ERC2: variants seen among roughly 807,000 people sequenced by gnomAD.
ERC2 encodes the protein ELKS/RAB6-interacting/CAST family member 2.
Under a neutral mutation model 114.8 loss-of-function variants are expected in ERC2, and 42 were observed. The ratio of observed to expected loss-of-function variants is 0.37; its 90% CI spans 0.29 to 0.47. The LOEUF (loss-of-function observed/expected upper bound fraction) is 0.47. ERC2 is among the 20% of genes least tolerant of loss of function. The probability of loss-of-function intolerance (pLI) is 0.99; values close to 1 mark genes in which losing one functional copy is unlikely to be tolerated. For synonymous variants in ERC2, 454 were observed against 425.5 expected, an observed-to-expected ratio of 1.07 and a Z score of -0.82; for missense variants, 939 against 1,150.7, an observed-to-expected ratio of 0.82 and a Z score of 2.66.
intron 17 of ERC2, among the ~76,000 whole-genome samples, chr3:55,549,419 C>T (rs907879777): frequency 3.3e-5 from 5 of 151,718 alleles, no homozygotes; most frequent in African/African-American, 7.3e-5. Context: ...GGCAGCTCTC[C>T]GAACACAAAA....
At chr3:56,089,453 G>A (rs1390430110) in intron 6 of ERC2, among the ~76,000 whole-genome samples, 3 of 151,790 alleles carry the variant, frequency 2.0e-5, no homozygotes, top group African/African-American at 7.3e-5. Context: ...CATTTAAAAA[G>A]TAAAAAGAAA....
intron 7 of ERC2, among the ~76,000 whole-genome samples, chr3:56,030,555 T>A (rs185093970): frequency 1.3e-5 from 2 of 152,336 alleles, no homozygotes; most frequent in South Asian, 2.1e-4. Context: ...TGTTTTATTA[T>A]GATATAATGT....
rs2063958459 is a variant in ERC2 at position 55,898,636 on chromosome 3, C to T, written c.2404-10087G>A. Among the ~76,000 whole-genome samples, 3 of 152,166 alleles carry T rather than the reference C, an allele frequency of 2.0e-5. No homozygotes were observed. The South Asian group carries it at 6.2e-4, about 32-fold the overall frequency. ...GCATGCAACCACCCGAGATTGTCAT[C>T]AACAGTGGTATTAGCTTAAACACTA... On this transcript the variant is annotated intron_variant, in intron 13 of 17. Transcript: ENST00000288221.
chr3:55,556,068 C>G (rs1400119254), intron 17 of ERC2, among the ~76,000 whole-genome samples: 2 of 152,138 alleles, frequency 1.3e-5, no homozygotes, highest in Non-Finnish European at 2.9e-5. Flanking sequence ...CCTCCTTAAT[C>G]AGAGGATGGA....
At chr3:55,940,391 G>A (rs149857774) in intron 13 of ERC2, among the ~76,000 whole-genome samples, 2 of 151,992 alleles carry the variant, frequency 1.3e-5, no homozygotes, top group Admixed American at 6.6e-5. Context: ...CCACTCAGAA[G>A]CTCAGGGCCC....
intron 16 of ERC2, among the ~76,000 whole-genome samples, chr3:55,685,604 G>C (rs1279318086): frequency 6.6e-6 from 1 of 152,000 alleles, no homozygotes; most frequent in African/African-American, 2.4e-5. Context: ...GGGTTTCAAG[G>C]GGCCTAGCAA....
chr3:55,752,953 C>G (rs1457483525), intron 14 of ERC2, among the ~76,000 whole-genome samples: 1 of 152,182 alleles, frequency 6.6e-6, no homozygotes, highest in East Asian at 1.9e-4. Context: ...GACCGCAGCT[C>G]TACAACTGGT....
At chr3:55,671,716 G>A (rs1477450330) in intron 17 of ERC2, among the ~76,000 whole-genome samples, 1 of 152,168 alleles carries the variant, frequency 6.6e-6, no homozygotes. Flanking sequence ...TTTGGCATGC[G>A]GTTGTCCAGG....
intron 3 of ERC2, among the ~76,000 whole-genome samples, chr3:56,236,924 G>A (rs149058198): frequency 1.1e-3 from 161 of 152,248 alleles, no homozygotes; most frequent in African/African-American, 3.7e-3. Flanking sequence ...CAACCAACAC[G>A]AATGTTGGTA....
intron 14 of ERC2, among the ~76,000 whole-genome samples, chr3:55,864,158 C>CATATATATATACACATAT (rs780686057): frequency 1.8e-5 from 2 of 112,992 alleles, no homozygotes; most frequent in African/African-American, 7.8e-5. Context: ...TATATATACA[C>CATATATATATACACATAT]ATATATATAC....
intron 1 of ERC2, among the ~76,000 whole-genome samples, chr3:56,438,840 C>A (rs181889807): frequency 9.3e-4 from 142 of 152,290 alleles, no homozygotes; most frequent in African/African-American, 3.4e-3. Flanking sequence ...CCTACCTGGC[C>A]AAGGCTTTGG....
chr3:55,833,840 T>C (rs1000069268), intron 14 of ERC2, among the ~76,000 whole-genome samples: 7 of 152,148 alleles, frequency 4.6e-5, no homozygotes, highest in African/African-American at 1.4e-4. Flanking sequence ...TCAAGACCCA[T>C]CTGTCTGCTG....
At chr3:55,977,885 C>T (rs1483664681) in intron 12 of ERC2, among the ~76,000 whole-genome samples, 1 of 151,946 alleles carries the variant, frequency 6.6e-6, no homozygotes, top group Non-Finnish European at 1.5e-5. Context: ...GAGTAGAAAG[C>T]CTTTAGGTAT....
At chr3:55,656,764 A>C (rs768599165) in intron 17 of ERC2, among the ~76,000 whole-genome samples, 2 of 152,246 alleles carry the variant, frequency 1.3e-5, no homozygotes, top group Non-Finnish European at 1.5e-5. Flanking sequence ...CAATGATATG[A>C]AACTATCACT....
chr3:56,024,490 T>C (rs17031174), intron 7 of ERC2, among the ~76,000 whole-genome samples: 47,635 of 152,158 alleles, frequency 0.31, 8,186 homozygotes, highest in African/African-American at 0.43. Flanking sequence ...TGCCCCATGA[T>C]CTTGACTTTG....
At chr3:55,746,006 G>A (rs1026101425) in intron 14 of ERC2, among the ~76,000 whole-genome samples, 15 of 152,036 alleles carry the variant, frequency 9.9e-5, no homozygotes, top group African/African-American at 2.7e-4. Context: ...CAAATTGTCC[G>A]CCTACATCTT....
intron 14 of ERC2, among the ~76,000 whole-genome samples, chr3:55,818,629 T>C (rs2059993977): frequency 6.6e-6 from 1 of 152,178 alleles, no homozygotes; most frequent in African/African-American, 2.4e-5. Context: ...TATCTTGACT[T>C]TGTTCTCCAC....
At chr3:56,081,830 TTTGAG>T (rs2077249138) in intron 6 of ERC2, among the ~76,000 whole-genome samples, 1 of 152,146 alleles carries the variant, frequency 6.6e-6, no homozygotes, top group African/African-American at 2.4e-5. Context: ...AGAATACCAT[TTTGAG>T]TTAATTTTCT....
intron 2 of ERC2, among the ~76,000 whole-genome samples, chr3:56,317,783 G>A (rs890240158): frequency 6.6e-6 from 1 of 152,168 alleles, no homozygotes; most frequent in African/African-American, 2.4e-5. Flanking sequence ...GACAGTAAGT[G>A]CTGCACAGAC....
Sources: gnomAD v4.1 joint callset for allele counts (sites outside exome capture counted in the v4.1 genomes callset) on GRCh38, gnomAD v4.1.1 for gene constraint, MANE v1.5 for transcripts, NCBI Gene and HGNC (gene_info 2026-07-23, HGNC 2026-07-21) for gene names.